MAML2: variants seen among roughly 807,000 people sequenced by gnomAD.
The protein encoded by MAML2 is mastermind like transcriptional coactivator 2.
MAML2 carries 22 observed loss-of-function variants against 96.1 expected under a neutral mutation model. That is an observed-to-expected ratio of 0.23 (90% CI 0.16 to 0.33). MAML2 has a LOEUF of 0.33. Ranked by LOEUF, MAML2 falls within the 10% of genes least tolerant of loss-of-function variation. The probability of loss-of-function intolerance (pLI) is 1.00; values close to 1 mark genes in which losing one functional copy is unlikely to be tolerated. For missense variants in MAML2, 1,367 were observed against 1,392.4 expected, an observed-to-expected ratio of 0.98 and a Z score of 0.29; for synonymous variants, 561 against 521.3, an observed-to-expected ratio of 1.08 and a Z score of -1.04.
intron 1 of MAML2, among the ~76,000 whole-genome samples, chr11:96,137,972 A>T (rs528627753): frequency 6.6e-6 from 1 of 152,132 alleles, no homozygotes; most frequent in Non-Finnish European, 1.5e-5. Context: ...CAATGTCTTT[A>T]TAACTGGTAG....
chr11:96,118,673 C>T (rs1168048885), intron 1 of MAML2, among the ~76,000 whole-genome samples: 1 of 152,000 alleles, frequency 6.6e-6, no homozygotes, highest in Admixed American at 6.5e-5. Flanking sequence ...GAGATGGATC[C>T]ACAATAATGA....
rs560954550 is a variant in MAML2, at chr11:96,321,803, T to C, written c.513+19580A>G. On this transcript the variant is annotated intron_variant, in intron 1 of 4. Transcript: ENST00000524717. The stretch of plus-strand genomic sequence containing the variant: ...ACATGTGTTTAATGGACATTTGTCA[T>C]AGCAAAATGACCTAGCAGTTCCATT... 3.9e-5 allele frequency among the ~76,000 whole-genome samples: 6 copies of C among 152,370 alleles called. 1 individual carries two copies. The East Asian group carries it at 9.6e-4, about 24-fold the overall frequency.
chr11:96,315,082 C>T (rs1863610495), intron 1 of MAML2, among the ~76,000 whole-genome samples: 1 of 152,210 alleles, frequency 6.6e-6, no homozygotes, highest in Non-Finnish European at 1.5e-5. Context: ...CTGATTTCAA[C>T]AACCTGGGCT....
At chr11:96,113,290 A>T (rs1241108977) in intron 1 of MAML2, among the ~76,000 whole-genome samples, 2 of 152,150 alleles carry the variant, frequency 1.3e-5, no homozygotes, top group African/African-American at 4.8e-5. Flanking sequence ...CATGAGGAAA[A>T]TTTCACTGCC....
intron 1 of MAML2, among the ~76,000 whole-genome samples, chr11:96,243,149 G>A (rs867994607): frequency 6.7e-6 from 1 of 149,338 alleles, no homozygotes; most frequent in African/African-American, 2.4e-5. Context: ...ACACACACTT[G>A]TTCCCAGTAG....
chr11:96,108,192 A>C (rs1326145335), intron 1 of MAML2, among the ~76,000 whole-genome samples: 2 of 152,102 alleles, frequency 1.3e-5, no homozygotes, highest in Non-Finnish European at 2.9e-5. Context: ...AATTTATGAA[A>C]CACCCAGTTC....
intron 1 of MAML2, among the ~76,000 whole-genome samples, chr11:96,199,454 T>C (rs1689403855): frequency 6.6e-6 from 1 of 152,148 alleles, no homozygotes; most frequent in Non-Finnish European, 1.5e-5. Context: ...TAACCTACTA[T>C]TATTTTGCAT....
intron 1 of MAML2, among the ~76,000 whole-genome samples, chr11:96,333,685 T>C (rs1489608040): frequency 6.6e-6 from 1 of 152,226 alleles, no homozygotes; most frequent in East Asian, 1.9e-4. Flanking sequence ...GTGTTGCCTA[T>C]TCATCTGCAG....
chr11:96,084,432 C>G lies in MAML2; in HGVS notation c.2139+7460G>C, dbSNP rs541161404. ...GCAGGAACAATGGTCAGAAGCTGTT[C>G]TGGATATGTTTTATCCAAGGGCATG... is the stretch of plus-strand genomic sequence containing the variant. On this transcript the variant is annotated intron_variant, in intron 2 of 4. Transcript: ENST00000524717. Among the ~76,000 whole-genome samples, 7 of 152,242 alleles carry G rather than the reference C, an allele frequency of 4.6e-5. No homozygotes were observed. In the South Asian group the frequency reaches 1.5e-3, roughly 32 times the overall value.
At chr11:96,070,156 G>A (rs535998964) in intron 2 of MAML2, among the ~76,000 whole-genome samples, 4 of 152,056 alleles carry the variant, frequency 2.6e-5, no homozygotes, top group Non-Finnish European at 4.4e-5. Flanking sequence ...CCGGCGTGGT[G>A]GCGGGCGCCT....
intron 1 of MAML2, among the ~76,000 whole-genome samples, chr11:96,115,866 G>A (rs1860228259): frequency 6.6e-6 from 1 of 152,172 alleles, no homozygotes; most frequent in Non-Finnish European, 1.5e-5. Flanking sequence ...GAGGTGGAAT[G>A]GACCAAGTGT....
intron 1 of MAML2, among the ~76,000 whole-genome samples, chr11:96,163,271 A>G (rs1423744262): frequency 2.6e-5 from 4 of 152,148 alleles, no homozygotes; most frequent in Non-Finnish European, 5.9e-5. Context: ...TTCCCTGTCA[A>G]AAAAAAGCTG....
At chr11:96,078,187 A>T (rs771288985) in intron 2 of MAML2, among the ~76,000 whole-genome samples, 1 of 152,072 alleles carries the variant, frequency 6.6e-6, no homozygotes, top group African/African-American at 2.4e-5. Context: ...GCAATTTTCC[A>T]TTTCACTAAA....
intron 1 of MAML2, among the ~76,000 whole-genome samples, chr11:96,237,638 A>G (rs780984977): frequency 1.4e-4 from 21 of 152,226 alleles, no homozygotes; most frequent in Non-Finnish European, 2.8e-4. Flanking sequence ...GAAAGATTTG[A>G]TAGTTGTGTC....
At chr11:96,140,144 T>G (rs1292061255) in intron 1 of MAML2, among the ~76,000 whole-genome samples, 1 of 152,230 alleles carries the variant, frequency 6.6e-6, no homozygotes, top group East Asian at 1.9e-4. Flanking sequence ...GTTTTGTTAT[T>G]AGTGCCCAGG....
At chr11:96,228,044 G>C (rs1227316132) in intron 1 of MAML2, among the ~76,000 whole-genome samples, 3 of 152,210 alleles carry the variant, frequency 2.0e-5, no homozygotes, top group Admixed American at 2.0e-4. Flanking sequence ...TGAGCCTGGA[G>C]TGAGCTGAAA....
At chr11:95,983,525 A>C (rs750578498) in intron 4 of MAML2, among the ~76,000 whole-genome samples, 3 of 152,164 alleles carry the variant, frequency 2.0e-5, no homozygotes, top group Non-Finnish European at 2.9e-5. Flanking sequence ...GATAATTTAT[A>C]CTATGTTTTC....
chr11:96,015,584 AG>A (rs796502726), intron 2 of MAML2, among the ~76,000 whole-genome samples: 4,721 of 55,278 alleles, frequency 0.085, 200 homozygotes, highest in South Asian at 0.16. Flanking sequence ...AAAAAAAAAA[AG>A]GGGGGGGGGG....
chr11:96,220,607 G>C (rs1357395206), intron 1 of MAML2, among the ~76,000 whole-genome samples: 1 of 152,122 alleles, frequency 6.6e-6, no homozygotes, highest in Non-Finnish European at 1.5e-5. Context: ...GCAATGTAAA[G>C]TGTTCTTATA....
Sources: allele counts gnomAD v4.1 joint callset (sites outside exome capture counted in the v4.1 genomes callset), GRCh38; gene constraint gnomAD v4.1.1; transcripts MANE v1.5; gene names NCBI Gene and HGNC (gene_info 2026-07-23, HGNC 2026-07-21).